The following PLPPR1 variants were observed in gnomAD, a reference collection of about 807,000 sequenced individuals.
The protein encoded by PLPPR1 is phospholipid phosphatase-related protein type 1.
A neutral mutation model predicts 33.1 loss-of-function variants in PLPPR1; 10 were observed. That is an observed-to-expected ratio of 0.30 (90% CI 0.19 to 0.51). PLPPR1 has a LOEUF of 0.51. Among genes scored for constraint, PLPPR1 ranks in the 20% least tolerant of loss-of-function variants. PLPPR1 has a pLI of 0.97. For synonymous variants in PLPPR1, 151 were observed against 151.0 expected (o/e 1.00, Z 0.00); for missense variants, 304 against 408.1 (o/e 0.74, Z 2.20).
At chr9:101,061,860 A>G (rs1258719691) in intron 1 of PLPPR1, among the ~76,000 whole-genome samples, 1 of 152,006 alleles carries the variant, frequency 6.6e-6, no homozygotes, top group African/African-American at 2.4e-5. Context: ...GATAACCTCT[A>G]CAGTTCCTCT....
intron 1 of PLPPR1, among the ~76,000 whole-genome samples, chr9:101,115,890 A>T (rs996437823): frequency 6.6e-6 from 1 of 152,224 alleles, no homozygotes; most frequent in Non-Finnish European, 1.5e-5. Flanking sequence ...CAATAATAGT[A>T]ATTTACTCCA....
At chr9:101,138,263 C>G (rs1215243219) in intron 1 of PLPPR1, among the ~76,000 whole-genome samples, 1 of 152,148 alleles carries the variant, frequency 6.6e-6, no homozygotes, top group Non-Finnish European at 1.5e-5. Flanking sequence ...TCAGTATTAT[C>G]TACATCATAA....
chr9:101,181,695 C>A, intron 1 of PLPPR1, among the ~76,000 whole-genome samples: 1 of 119,526 alleles, frequency 8.4e-6, no homozygotes. Context: ...CACACACATA[C>A]ATATATACAC....
chr9:101,194,339 C>G (rs1028433053), intron 2 of PLPPR1, among the ~76,000 whole-genome samples: 1 of 152,180 alleles, frequency 6.6e-6, no homozygotes, highest in African/African-American at 2.4e-5. Context: ...CCCTTCCATA[C>G]AGGGTCTTGT....
At chr9:101,111,477 A>G (rs1831055977) in intron 1 of PLPPR1, among the ~76,000 whole-genome samples, 1 of 152,206 alleles carries the variant, frequency 6.6e-6, no homozygotes, top group Non-Finnish European at 1.5e-5. Context: ...TTTAATAAAA[A>G]TATTTTGGAG....
intron 1 of PLPPR1, among the ~76,000 whole-genome samples, chr9:101,138,887 G>T (rs549414519): frequency 6.6e-6 from 1 of 152,256 alleles, no homozygotes; most frequent in African/African-American, 2.4e-5. Context: ...CCAGGGTTTG[G>T]TAGGATTAAA....
chr9:101,098,468 G>T (rs1161199443), intron 1 of PLPPR1, among the ~76,000 whole-genome samples: 1 of 152,128 alleles, frequency 6.6e-6, no homozygotes, highest in East Asian at 1.9e-4. Context: ...TCAGGTCAAA[G>T]ACAGAAGTGT....
At chr9:101,321,255 C>T (rs115361160) in intron 7 of PLPPR1, among the ~76,000 whole-genome samples, 1,918 of 152,282 alleles carry the variant, frequency 0.013, 40 homozygotes, top group African/African-American at 0.044. Flanking sequence ...GGGAGGGCAT[C>T]AGTCACGCTC....
At chr9:101,200,418 G>A (rs1826471419) in intron 2 of PLPPR1, among the ~76,000 whole-genome samples, 1 of 151,984 alleles carries the variant, frequency 6.6e-6, no homozygotes, top group Non-Finnish European at 1.5e-5. Context: ...CCACATCATT[G>A]TTTCAAAGTT....
At chr9:101,053,987 C>A (rs1830252718) in intron 1 of PLPPR1, among the ~76,000 whole-genome samples, 1 of 151,996 alleles carries the variant, frequency 6.6e-6, no homozygotes, top group African/African-American at 2.4e-5. Flanking sequence ...AGTTTGAGAC[C>A]AGCCTGGCCA....
At chr9:101,058,810 A>C (rs1286767687) in intron 1 of PLPPR1, among the ~76,000 whole-genome samples, 1 of 152,208 alleles carries the variant, frequency 6.6e-6, no homozygotes, top group African/African-American at 2.4e-5. Flanking sequence ...TATACTAAGC[A>C]AGTTATGTGC....
rs537964778 is a variant in PLPPR1, at chr9:101,038,770, C to A, written c.-46+9668C>A. On this transcript the variant is annotated intron_variant, in intron 1 of 7. Transcript: ENST00000374874. ...TCATGCCTTATGTAACTGCTGTTAACCCACAAATGGCTGCAGAGATTGCGT... is the reference window on the plus strand; with the variant it reads ...TCATGCCTTATGTAACTGCTGTTAAACCACAAATGGCTGCAGAGATTGCGT... 9.9e-4 allele frequency among the ~76,000 whole-genome samples: 151 copies of A among 152,244 alleles called. 1 individual carries two copies. The highest frequency in any genetic ancestry group is 3.6e-3 in the African/African-American group (148 of 41,542).
At chr9:101,180,202 A>G (rs959897704) in intron 1 of PLPPR1, among the ~76,000 whole-genome samples, 10 of 141,550 alleles carry the variant, frequency 7.1e-5, no homozygotes, top group African/African-American at 2.0e-4. Context: ...ACACATACAC[A>G]CACATATATA....
chr9:101,194,753 CAAAAA>C (rs11439112), intron 2 of PLPPR1, among the ~76,000 whole-genome samples: 1 of 116,900 alleles, frequency 8.6e-6, no homozygotes, highest in Admixed American at 9.0e-5. Context: ...AACTCCATCT[CAAAAA>C]AAAAAAAAAA....
chr9:101,179,256 T>G (rs113896848), intron 1 of PLPPR1, among the ~76,000 whole-genome samples: 1 of 152,084 alleles, frequency 6.6e-6, no homozygotes, highest in African/African-American at 2.4e-5. Context: ...GCCCAGACCC[T>G]TCAGGAATGA....
chr9:101,093,322 CA>C (rs1235693580), intron 1 of PLPPR1, among the ~76,000 whole-genome samples: 1 of 152,064 alleles, frequency 6.6e-6, no homozygotes, highest in African/African-American at 2.4e-5. Flanking sequence ...CCACCAAGCC[CA>C]TGTAGAAAAT....
At chr9:101,097,821 G>A (rs1830840505) in intron 1 of PLPPR1, among the ~76,000 whole-genome samples, 1 of 152,162 alleles carries the variant, frequency 6.6e-6, no homozygotes, top group African/African-American at 2.4e-5. Flanking sequence ...CCAGGAAGAG[G>A]TAGGTGGGGG....
chr9:101,217,585 T>A (rs1015184281), intron 2 of PLPPR1, among the ~76,000 whole-genome samples: 2 of 152,208 alleles, frequency 1.3e-5, no homozygotes, highest in Non-Finnish European at 2.9e-5. Flanking sequence ...CTGTTGAAAC[T>A]ATTCAACTCT....
chr9:101,214,940 C>T (rs1158788564), intron 2 of PLPPR1, among the ~76,000 whole-genome samples: 1 of 151,264 alleles, frequency 6.6e-6, no homozygotes, highest in African/African-American at 2.4e-5. Flanking sequence ...GGAGAATCAC[C>T]TGAACCTGGG....
Sources: allele counts gnomAD v4.1 joint callset (sites outside exome capture counted in the v4.1 genomes callset), GRCh38; gene constraint gnomAD v4.1.1; transcripts MANE v1.5; gene names NCBI Gene and HGNC (gene_info 2026-07-23, HGNC 2026-07-21).